The following CPNE5 variants were observed in gnomAD, a reference collection of about 807,000 sequenced individuals.
CPNE5 encodes the protein copine-5.
Under a neutral mutation model 81.1 loss-of-function variants are expected in CPNE5, and 42 were observed. The observed-to-expected ratio is 0.52, with a 90% CI of 0.40 to 0.67. The LOEUF is 0.67. Ranked by LOEUF, CPNE5 falls within the 30% of genes least tolerant of loss-of-function variation. CPNE5 has a pLI of 0.00. For synonymous variants in CPNE5, 313 were observed against 321.5 expected, an observed-to-expected ratio of 0.97 and a Z score of 0.28; for missense variants, 612 against 815.5, an observed-to-expected ratio of 0.75 and a Z score of 3.04.
chr6:36,816,476 A>G (rs993873062), intron 3 of CPNE5, among the ~76,000 whole-genome samples: 1 of 152,202 alleles, frequency 6.6e-6, no homozygotes, highest in African/African-American at 2.4e-5. Flanking sequence ...CTGCAGCCTC[A>G]TGCAAACCCC....
intron 3 of CPNE5, among the ~76,000 whole-genome samples, chr6:36,814,987 C>A (rs866805787): frequency 6.6e-6 from 1 of 151,854 alleles, no homozygotes. Context: ...AAACCAACCC[C>A]ATCTCTACTA....
chr6:36,772,057 G>C (rs769637579), intron 10 of CPNE5, among the ~76,000 whole-genome samples: 8 of 152,038 alleles, frequency 5.3e-5, no homozygotes, highest in African/African-American at 1.9e-4. Context: ...GTGAAGCCAG[G>C]CCTCCGAGCC....
intron 8 of CPNE5, among the ~76,000 whole-genome samples, chr6:36,780,121 A>G (rs943042636): frequency 2.6e-5 from 4 of 151,686 alleles, no homozygotes; most frequent in African/African-American, 7.3e-5. Flanking sequence ...CCGCCACCAC[A>G]CCTAGCTAAT....
At chr6:36,760,461 T>C (rs1337856772) in intron 12 of CPNE5, among the ~76,000 whole-genome samples, 1 of 152,010 alleles carries the variant, frequency 6.6e-6, no homozygotes, top group Non-Finnish European at 1.5e-5. Flanking sequence ...TGGAGTACGC[T>C]GGTTACTGTG....
At chr6:36,822,951 G>A in intron 2 of CPNE5, 107 bp downstream of exon 2, 1 of 914,132 alleles carries the variant, frequency 1.1e-6, no homozygotes, top group Non-Finnish European at 1.6e-6. Context: ...ACTTTGAACG[G>A]CGCCTGGCAC....
chr6:36,788,142 T>C (rs1014398372), intron 8 of CPNE5, among the ~76,000 whole-genome samples: 5 of 151,138 alleles, frequency 3.3e-5, no homozygotes, highest in African/African-American at 1.2e-4. Flanking sequence ...GTGACCCTCC[T>C]ACCCCAGCCT....
At chr6:36,773,862 A>T (rs993374085) in intron 10 of CPNE5, among the ~76,000 whole-genome samples, 2 of 152,120 alleles carry the variant, frequency 1.3e-5, no homozygotes, top group Non-Finnish European at 2.9e-5. Flanking sequence ...GTTAAAACAA[A>T]AAATCTAGCC....
intron 9 of CPNE5, among the ~76,000 whole-genome samples, chr6:36,778,058 G>T (rs1767708869): frequency 1.3e-5 from 2 of 152,124 alleles, no homozygotes; most frequent in Non-Finnish European, 2.9e-5. Flanking sequence ...GCCACAGCCT[G>T]CCAGAATCAT....
intron 2 of CPNE5, 86 bp from the exon 3 acceptor site, chr6:36,822,246 G>A: frequency 8.2e-7 from 1 of 1,215,850 alleles, no homozygotes; most frequent in Non-Finnish European, 1.1e-6. Flanking sequence ...GGCTGGGCAG[G>A]CGCCTCAGCA....
chr6:36,767,992 C>T (rs182895278), intron 10 of CPNE5, among the ~76,000 whole-genome samples: 16 of 152,148 alleles, frequency 1.1e-4, no homozygotes, highest in Admixed American at 1.0e-3. Context: ...TAAAAGCTCC[C>T]CAGGGGGATT....
chr6:36,799,854 C>A lies in CPNE5; in HGVS notation c.287+113G>T, dbSNP rs181864004. 9.8e-4 allele frequency: 747 copies of A among 758,784 alleles called. 3 individuals are homozygous for A. The African/African-American group carries it at 0.011, about 11-fold the overall frequency. 47.0% of individuals were successfully genotyped at this position (758,784 alleles called of 1,614,324 possible). A position where few individuals can be genotyped will look rare whatever the true frequency, so the allele number is the denominator to read the frequency against. Reference sequence around the variant, plus strand: ...AATTGTCACTTCTATCCCAGGCCAACCCTGGGCTCCCACTAATTTCTCAGC... The same window carrying A: ...AATTGTCACTTCTATCCCAGGCCAAACCTGGGCTCCCACTAATTTCTCAGC... On this transcript the variant is annotated intron_variant, in intron 4 of 20. Coordinates refer to ENST00000244751, the MANE Select transcript of CPNE5 (RefSeq NM_020939.2).
chr6:36,768,700 T>C (rs376421159), intron 10 of CPNE5, among the ~76,000 whole-genome samples: 2 of 152,124 alleles, frequency 1.3e-5, no homozygotes, highest in East Asian at 1.9e-4. Flanking sequence ...AACAGGCTTA[T>C]TGGGTGTGGG....
chr6:36,764,758 A>C (rs904880108), intron 11 of CPNE5, among the ~76,000 whole-genome samples: 2 of 152,044 alleles, frequency 1.3e-5, no homozygotes, highest in African/African-American at 2.4e-5. Flanking sequence ...GAGTCCACTC[A>C]CGCCTCGTAG....
intron 14 of CPNE5, among the ~76,000 whole-genome samples, chr6:36,749,352 A>G (rs74805237): frequency 0.082 from 12,494 of 152,264 alleles, 636 homozygotes; most frequent in Non-Finnish European, 0.11. Flanking sequence ...ATCACAGCCT[A>G]TGGCTCTTGC....
chr6:36,832,120 T>C lies in CPNE5; in HGVS notation c.95+7163A>G, dbSNP rs574132671. On this transcript the variant is annotated intron_variant, in intron 1 of 20. Coordinates refer to ENST00000244751, the MANE Select transcript of CPNE5 (RefSeq NM_020939.2). Reference sequence around the variant, plus strand: ...GGCAGAAAGAAAGGCAGTCATGGGTTCAGTCAAGCTGTGCTTGGAGAATCA... The same window carrying C: ...GGCAGAAAGAAAGGCAGTCATGGGTCCAGTCAAGCTGTGCTTGGAGAATCA... 5.9e-5 allele frequency among the ~76,000 whole-genome samples: 9 copies of C among 152,358 alleles called. No homozygotes were observed. The South Asian group carries it at 1.2e-3, about 21-fold the overall frequency.
chr6:36,830,675 C>T (rs1772910505), intron 1 of CPNE5, among the ~76,000 whole-genome samples: 1 of 152,212 alleles, frequency 6.6e-6, no homozygotes, highest in African/African-American at 2.4e-5. Context: ...GCCTCAGATG[C>T]TTCTGAGCTG....
chr6:36,772,361 C>T (rs1341377757), intron 10 of CPNE5, among the ~76,000 whole-genome samples: 1 of 152,200 alleles, frequency 6.6e-6, no homozygotes, highest in East Asian at 1.9e-4. Flanking sequence ...CCTCTCACTG[C>T]TCCAACCAGC....
intron 9 of CPNE5, among the ~76,000 whole-genome samples, chr6:36,776,028 A>C (rs1401175520): frequency 6.6e-6 from 1 of 152,196 alleles, no homozygotes; most frequent in African/African-American, 2.4e-5. Flanking sequence ...TGAATCCATG[A>C]ACCTGTTTTG....
rs66517711 is a variant in CPNE5 at position 36,766,439 on chromosome 6, C to T, written c.738-1063G>A. ...ATGAAGGAATGCCCAGTAGGTTGTG[C>T]ACACACTGGATTTCTGTAAACCAGC... On this transcript the variant is annotated intron_variant, in intron 10 of 20. Coordinates refer to ENST00000244751, the MANE Select transcript of CPNE5 (RefSeq NM_020939.2). The surrounding 1 kb of genome is among the most constrained non-coding windows in gnomAD (Gnocchi z 4.2). Among the ~76,000 whole-genome samples the T allele has an allele frequency of 0.12, 18,684 of 152,216 alleles. 1,166 individuals are homozygous for T. Among genetic ancestry groups the T allele is most frequent in the East Asian group, 0.17 (894 of 5,188 alleles).
Sources: allele counts gnomAD v4.1 joint callset (sites outside exome capture counted in the v4.1 genomes callset), GRCh38; gene constraint gnomAD v4.1.1; non-coding constraint Gnocchi (gnomAD v3.1); transcripts MANE v1.5; gene names NCBI Gene and HGNC (gene_info 2026-07-23, HGNC 2026-07-21).